Variants in DOCK3 observed in about 807,000 individuals in gnomAD.
DOCK3 encodes dedicator of cytokinesis protein 3.
DOCK3 carries 60 observed loss-of-function variants against 265.6 expected under a neutral mutation model. The observed-to-expected ratio is 0.23, with a 90% CI of 0.18 to 0.28. DOCK3 has a LOEUF of 0.28. DOCK3 is among the 10% of genes least tolerant of loss of function. The pLI, the probability that DOCK3 is intolerant of heterozygous loss-of-function variation, is 1.00. For synonymous variants in DOCK3, 881 were observed against 938.0 expected, an observed-to-expected ratio of 0.94 and a Z score of 1.11; for missense variants, 1,981 against 2,594.3, an observed-to-expected ratio of 0.76 and a Z score of 5.14.
At chr3:51,219,331 C>G (rs2089961002) in intron 14 of DOCK3, among the ~76,000 whole-genome samples, 1 of 152,128 alleles carries the variant, frequency 6.6e-6, no homozygotes, top group Non-Finnish European at 1.5e-5. Context: ...TTATTGCCTG[C>G]TTTGTTCTCA....
At chr3:51,008,078 TG>T (rs1264110689) in intron 5 of DOCK3, among the ~76,000 whole-genome samples, 1 of 152,190 alleles carries the variant, frequency 6.6e-6, no homozygotes, top group East Asian at 1.9e-4. Context: ...TTTGTTGTTT[TG>T]GCTTAGGATT....
At chr3:50,923,852 T>A (rs1270049759) in intron 4 of DOCK3, among the ~76,000 whole-genome samples, 1 of 152,164 alleles carries the variant, frequency 6.6e-6, no homozygotes. Flanking sequence ...TCCACTAATT[T>A]TTACCACAGA....
At chr3:50,927,760 A>C (rs1010527712) in intron 4 of DOCK3, among the ~76,000 whole-genome samples, 7 of 152,106 alleles carry the variant, frequency 4.6e-5, no homozygotes, top group African/African-American at 1.7e-4. Context: ...AAGAGTGATA[A>C]ATCAAGTATC....
chr3:51,258,499 C>G (rs1224897085), intron 22 of DOCK3, among the ~76,000 whole-genome samples: 1 of 152,058 alleles, frequency 6.6e-6, no homozygotes, highest in African/African-American at 2.4e-5. Context: ...CTGAGGAAAC[C>G]ATCCTGGCTT....
intron 9 of DOCK3, among the ~76,000 whole-genome samples, chr3:51,126,210 A>G (rs2084257873): frequency 6.6e-6 from 1 of 152,212 alleles, no homozygotes; most frequent in South Asian, 2.1e-4. Flanking sequence ...TCATTATTTC[A>G]GCATGCCATT....
At chr3:50,787,589 C>G (rs1239491311) in intron 2 of DOCK3, 3 of 1,071,604 alleles carry the variant, frequency 2.8e-6, no homozygotes, top group Non-Finnish European at 4.2e-6. Context: ...GCTTTCTGCA[C>G]TGGTGCTTCA....
At chr3:51,377,188 C>G (rs961857012) in intron 51 of DOCK3, among the ~76,000 whole-genome samples, 2 of 152,172 alleles carry the variant, frequency 1.3e-5, no homozygotes, top group Admixed American at 6.5e-5. Context: ...CATGCCCACC[C>G]CTAGGTGTGG....
intron 3 of DOCK3, 51 bp downstream of exon 3, chr3:50,841,766 G>C (rs773718742): frequency 5.2e-6 from 1 of 192,696 alleles, no homozygotes. Context: ...GAACTACCTT[G>C]TATGTTTGTT....
At chr3:51,077,047 A>G (rs1377742995) in intron 7 of DOCK3, among the ~76,000 whole-genome samples, 5 of 152,182 alleles carry the variant, frequency 3.3e-5, no homozygotes, top group Middle Eastern at 3.2e-3. Context: ...GACTCTGTCT[A>G]GAGAGAATAT....
chr3:50,776,443 T>A (rs1029419842), intron 1 of DOCK3, among the ~76,000 whole-genome samples: 8 of 152,062 alleles, frequency 5.3e-5, no homozygotes, highest in African/African-American at 1.9e-4. Flanking sequence ...TTTTTTTTTC[T>A]TGCTGATTTG....
intron 12 of DOCK3, among the ~76,000 whole-genome samples, chr3:51,171,664 C>T (rs958191588): frequency 4.7e-5 from 7 of 148,390 alleles, no homozygotes; most frequent in African/African-American, 7.5e-5. Context: ...TGCAGTGAGC[C>T]GAGATCTTGC....
chr3:51,075,223 A>G, intron 6 of DOCK3, 133 bp from the exon 7 acceptor site: 1 of 662,448 alleles, frequency 1.5e-6, no homozygotes, highest in Non-Finnish European at 2.6e-6. Context: ...TTGCTGTATA[A>G]AGACATGTTC....
intron 12 of DOCK3, among the ~76,000 whole-genome samples, chr3:51,174,410 A>G (rs1271249803): frequency 6.6e-6 from 1 of 152,240 alleles, no homozygotes; most frequent in Non-Finnish European, 1.5e-5. Context: ...CGAAGGTTGC[A>G]GTGAGCTGAG....
chr3:51,274,981 C>G, intron 24 of DOCK3, 98 bp from the exon 25 acceptor site: 1 of 1,503,866 alleles, frequency 6.6e-7, no homozygotes, highest in Non-Finnish European at 9.2e-7. Flanking sequence ...CTGAACCCCA[C>G]CTGCTTTGAG....
intron 27 of DOCK3, among the ~76,000 whole-genome samples, chr3:51,287,838 T>C (rs1436182020): frequency 1.3e-5 from 2 of 152,216 alleles, no homozygotes; most frequent in Non-Finnish European, 2.9e-5. Flanking sequence ...CACATGTATG[T>C]GTTCATCACA....
At chr3:51,137,006 C>G (rs557801011) in intron 9 of DOCK3, among the ~76,000 whole-genome samples, 3 of 151,266 alleles carry the variant, frequency 2.0e-5, no homozygotes, top group African/African-American at 4.9e-5. Context: ...TGCACATGTA[C>G]CCTAAAACTT....
intron 2 of DOCK3, among the ~76,000 whole-genome samples, chr3:50,826,846 C>T (rs1245751472): frequency 6.6e-6 from 1 of 152,012 alleles, no homozygotes; most frequent in Non-Finnish European, 1.5e-5. Flanking sequence ...AAGACAAAGT[C>T]GTTGAAAATT....
intron 3 of DOCK3, among the ~76,000 whole-genome samples, chr3:50,853,935 T>C (rs1481186060): frequency 6.6e-6 from 1 of 152,040 alleles, no homozygotes; most frequent in Non-Finnish European, 1.5e-5. Context: ...CACCAAAAGT[T>C]TGTAAGTGTT....
At chr3:50,906,254 G>A (rs1228715536) in intron 4 of DOCK3, among the ~76,000 whole-genome samples, 1 of 152,046 alleles carries the variant, frequency 6.6e-6, no homozygotes, top group Non-Finnish European at 1.5e-5. Flanking sequence ...TCAGGCTTTG[G>A]TATCAGGATG....
Sources: allele counts gnomAD v4.1 joint callset (sites outside exome capture counted in the v4.1 genomes callset), GRCh38; gene constraint gnomAD v4.1.1; transcripts MANE v1.5; gene names NCBI Gene and HGNC (gene_info 2026-07-23, HGNC 2026-07-21).